The following IFNGR2 variants were observed in gnomAD, a reference collection of about 807,000 sequenced individuals.
IFNGR2 encodes interferon gamma receptor 2.
Under a neutral mutation model 41.1 loss-of-function variants are expected in IFNGR2, and 15 were observed. The ratio of observed to expected loss-of-function variants is 0.37; its 90% confidence interval spans 0.24 to 0.56. IFNGR2 has a LOEUF of 0.56. Among genes scored for constraint, IFNGR2 ranks in the 20% least tolerant of loss-of-function variants. IFNGR2 has a pLI of 0.81. For missense variants in IFNGR2, 362 were observed against 415.7 expected, an observed-to-expected ratio of 0.87 and a Z score of 1.12; for synonymous variants, 161 against 171.6, an observed-to-expected ratio of 0.94 and a Z score of 0.48.
chr21:33,435,680 C>T (rs1417733522), intron 6 of IFNGR2, among the ~76,000 whole-genome samples: 2 of 151,380 alleles, frequency 1.3e-5, no homozygotes, highest in East Asian at 2.0e-4. Flanking sequence ...GTCAGGAGAT[C>T]GAGACCATCC....
chr21:33,406,542 A>G (rs2083678841), intron 1 of IFNGR2, among the ~76,000 whole-genome samples: 1 of 152,020 alleles, frequency 6.6e-6, no homozygotes, highest in South Asian at 2.1e-4. Flanking sequence ...ATTCACAATG[A>G]TTATATGGCA....
At chr21:33,436,727 A>T in intron 6 of IFNGR2, 101 bp from the exon 7 acceptor site, 1 of 978,650 alleles carries the variant, frequency 1.0e-6, no homozygotes, top group African/African-American at 1.8e-5. Context: ...CTCAAAAAAA[A>T]AATAAAAATA....
intron 4 of IFNGR2, among the ~76,000 whole-genome samples, chr21:33,429,471 A>AT (rs533253560): frequency 1.3e-5 from 2 of 152,074 alleles, no homozygotes; most frequent in Admixed American, 6.6e-5. Flanking sequence ...CCATACTCTG[A>AT]TTTTTTATAG....
chr21:33,422,543 A>T lies in IFNGR2; in HGVS notation c.412+858A>T, dbSNP rs2083801656. On this transcript the variant is annotated intron_variant, in intron 3 of 6. Transcript: ENST00000290219. Reference sequence around the variant, plus strand: ...AGGTCTGGTTAAGATGTTAAAGTTTATGTTATGTGTATTTTACCACAATAA... The same window carrying T: ...AGGTCTGGTTAAGATGTTAAAGTTTTTGTTATGTGTATTTTACCACAATAA... 2.0e-5 allele frequency among the ~76,000 whole-genome samples: 3 copies of T among 152,166 alleles called. No homozygotes were observed. In the South Asian group the frequency reaches 6.2e-4, roughly 32 times the overall value.
In IFNGR2 at chr21:33,437,348, C is replaced by A; in HGVS notation, c.*386C>A. The A allele has an allele frequency of 4.4e-6, 1 of 228,244 alleles. No homozygotes were observed. Among genetic ancestry groups the A allele is most frequent in the Non-Finnish European group, 8.8e-6 (1 of 113,012 alleles). 14.1% of individuals were successfully genotyped at this position (228,244 alleles called of 1,614,324 possible). On this transcript the variant is annotated 3_prime_UTR_variant, in exon 7 of 7. Coordinates refer to ENST00000290219, the MANE Select transcript of IFNGR2 (RefSeq NM_005534.4). ...GACTTTGGCAAATGAGCCGGAGCCCCTTGGGCAGGTCACACAACCTGTCCC... is the reference window on the plus strand; with the variant it reads ...GACTTTGGCAAATGAGCCGGAGCCCATTGGGCAGGTCACACAACCTGTCCC...
intron 1 of IFNGR2, among the ~76,000 whole-genome samples, chr21:33,410,531 T>G (rs2083708396): frequency 9.9e-6 from 1 of 101,116 alleles, no homozygotes. Context: ...TGCAGTGGCG[T>G]GATCTCAGCT....
At chr21:33,435,742 G>T (rs1294724148) in intron 6 of IFNGR2, among the ~76,000 whole-genome samples, 3 of 151,936 alleles carry the variant, frequency 2.0e-5, no homozygotes, top group Non-Finnish European at 4.4e-5. Flanking sequence ...AATTACCCAG[G>T]CATGGTGGCA....
intron 6 of IFNGR2, 49 bp downstream of exon 6, chr21:33,432,920 C>G (rs1175423630): frequency 1.3e-6 from 2 of 1,495,044 alleles, no homozygotes; most frequent in East Asian, 2.3e-5. Context: ...GGGTCTTGCT[C>G]TGTTGCCCAG....
At chr21:33,431,964 A>G (rs965150727) in intron 4 of IFNGR2, among the ~76,000 whole-genome samples, 21 of 152,248 alleles carry the variant, frequency 1.4e-4, no homozygotes, top group Admixed American at 6.5e-5. Context: ...CACAGCCAGA[A>G]ACACAGTTCT....
In IFNGR2 at chr21:33,421,703, T is replaced by G; in HGVS notation, c.412+18T>G. The G allele has an allele frequency of 1.3e-6, 2 of 1,586,062 alleles. No individual in the cohort carries two copies. Among genetic ancestry groups the G allele is most frequent in the Non-Finnish European group, 1.7e-6 (2 of 1,154,484 alleles). ...TCGGAATGGTAAGAGAACTTGAGTA[T>G]AGAACTTCCTTTATACTTTCCAGGT... On this transcript the variant is annotated intron_variant, in intron 3 of 6. Coordinates refer to ENST00000290219, the MANE Select transcript of IFNGR2 (RefSeq NM_005534.4).
intron 3 of IFNGR2, among the ~76,000 whole-genome samples, chr21:33,422,877 CAAAAAAAAAAAA>C (rs71194843): frequency 2.9e-5 from 1 of 34,952 alleles, no homozygotes; most frequent in East Asian, 1.7e-3. Flanking sequence ...AACTCCATCT[CAAAAAAAAAAAA>C]AAAAAAAAAA....
At chr21:33,405,009 C>T (rs1259726626) in intron 1 of IFNGR2, among the ~76,000 whole-genome samples, 3 of 151,496 alleles carry the variant, frequency 2.0e-5, no homozygotes, top group African/African-American at 7.3e-5. Flanking sequence ...ATCCCAACTA[C>T]TCAGGAGGCC....
intron 4 of IFNGR2, among the ~76,000 whole-genome samples, chr21:33,428,594 A>G (rs1454025551): frequency 2.0e-5 from 3 of 152,144 alleles, no homozygotes; most frequent in Non-Finnish European, 4.4e-5. Flanking sequence ...CAGACTTAGC[A>G]TCTAGGAAAT....
chr21:33,433,493 C>G (rs2083910795), intron 6 of IFNGR2, among the ~76,000 whole-genome samples: 2 of 152,096 alleles, frequency 1.3e-5, no homozygotes, highest in African/African-American at 4.8e-5. Context: ...GGACATTATG[C>G]TGAGTAGAGT....
intron 2 of IFNGR2, among the ~76,000 whole-genome samples, chr21:33,419,649 G>T (rs17878743): frequency 0.015 from 2,323 of 152,288 alleles, 31 homozygotes; most frequent in South Asian, 0.026. Flanking sequence ...CCCCAGTCAT[G>T]GGCGTAGACA....
At chr21:33,410,820 TA>T in intron 1 of IFNGR2, 2 of 1,515,854 alleles carry the variant, frequency 1.3e-6, no homozygotes, top group Non-Finnish European at 1.8e-6. Context: ...ACTCATAATC[TA>T]AAATTTATGC....
At chr21:33,403,738 G>T in intron 1 of IFNGR2, 122 bp downstream of exon 1, 1 of 573,628 alleles carries the variant, frequency 1.7e-6, no homozygotes, top group Non-Finnish European at 2.5e-6. Flanking sequence ...GTGGGAATCT[G>T]CGGGGTGCTC....
At chr21:33,429,014 A>G (rs1354914452) in intron 4 of IFNGR2, among the ~76,000 whole-genome samples, 1 of 152,164 alleles carries the variant, frequency 6.6e-6, no homozygotes, top group African/African-American at 2.4e-5. Context: ...AATGAAGAGC[A>G]CACAGAACAG....
At chr21:33,434,800 C>CT (rs1341318786) in intron 6 of IFNGR2, among the ~76,000 whole-genome samples, 1 of 152,152 alleles carries the variant, frequency 6.6e-6, no homozygotes, top group African/African-American at 2.4e-5. Flanking sequence ...ATCACAGCTC[C>CT]TAACAGGTCT....
Sources: gnomAD v4.1 joint callset for allele counts (sites outside exome capture counted in the v4.1 genomes callset) on GRCh38, gnomAD v4.1.1 for gene constraint, MANE v1.5 for transcripts, NCBI Gene and HGNC (gene_info 2026-07-23, HGNC 2026-07-21) for gene names.